Variants in CAND1 observed in about 807,000 individuals in gnomAD.
CAND1 encodes the protein cullin associated and neddylation dissociated 1.
In CAND1, 7 loss-of-function variants were observed where a neutral mutation model predicts 108.5. The observed-to-expected ratio is 0.06, with a 90% confidence interval of 0.04 to 0.12. The LOEUF (loss-of-function observed/expected upper bound fraction) is 0.12. CAND1 is among the 10% of genes least tolerant of loss of function. The pLI is 1.00. For missense variants in CAND1, 941 were observed against 1,448.7 expected (o/e 0.65, Z 5.69); for synonymous variants, 534 against 512.0 (o/e 1.04, Z -0.58).
At position 67,269,573 on chromosome 12, in the gene CAND1, C is replaced by G; in HGVS notation, c.-145C>G. The stretch of plus-strand genomic sequence containing the variant: ...GGGGGCAGCCCGTCGAGGCGCCTCC[C>G]TAGTCAGCGTCGGCGTCGCGCTGCG... On this transcript the variant is annotated 5_prime_UTR_variant, in exon 1 of 15. Transcript: ENST00000545606. 3.1e-6 allele frequency: 2 copies of G among 651,184 alleles called. No individual in the cohort carries two copies. Among genetic ancestry groups the G allele is most frequent in the South Asian group, 2.0e-5 (1 of 51,020 alleles). 40.3% of individuals were successfully genotyped at this position (651,184 alleles called of 1,614,324 possible). A position where few individuals can be genotyped will look rare whatever the true frequency, so the allele number is the denominator to read the frequency against.
intron 2 of CAND1, among the ~76,000 whole-genome samples, chr12:67,287,612 T>C (rs1252422): frequency 0.55 from 84,147 of 151,790 alleles, 24,457 homozygotes; most frequent in Non-Finnish European, 0.65. Flanking sequence ...TTTTAATCAT[T>C]AATTAATTGA....
chr12:67,302,282 C>T (rs752878271), intron 7 of CAND1, 41 bp from the exon 8 acceptor site: 2 of 1,532,872 alleles, frequency 1.3e-6, no homozygotes, highest in Non-Finnish European at 8.9e-7. Context: ...ATATACTTCT[C>T]TTGTCATTAA....
At position 67,305,080 on chromosome 12, in the gene CAND1, T is replaced by C; in HGVS notation, c.1436-24T>C. On this transcript the variant is annotated intron_variant, in intron 9 of 14. Transcript: ENST00000545606. This position sits in a 1 kb window ranked among gnomAD's most constrained non-coding sequence, Gnocchi z 4.4. Reference sequence around the variant, plus strand: ...TTCTTAAAAGTCTGCACAGCAATGATTGGATTTTTTGTTGGCTTTTTAGGA... The same window carrying C: ...TTCTTAAAAGTCTGCACAGCAATGACTGGATTTTTTGTTGGCTTTTTAGGA... 1 of 1,593,172 alleles carries C rather than the reference T, an allele frequency of 6.3e-7. No homozygotes were observed. Among genetic ancestry groups the C allele is most frequent in the East Asian group, 2.2e-5 (1 of 44,688 alleles).
In CAND1 at chr12:67,315,812, T is replaced by G. The variant is rs1463339189; in HGVS notation, c.*2982T>G. ...TATATCTAGTTCAGTCTCAGATGTA[T>G]GAATATGATTATATAGTCATGATTG... On this transcript the variant is annotated 3_prime_UTR_variant, in exon 15 of 15. Transcript: ENST00000545606. 6.6e-6 allele frequency: 1 copy of G among 152,204 alleles called. No individual in the cohort carries two copies. Among genetic ancestry groups the G allele is most frequent in the Non-Finnish European group, 1.5e-5 (1 of 68,032 alleles). The allele number at this position is 152,204 out of a possible 1,614,324, so 9.4% of individuals were successfully genotyped here.
intron 6 of CAND1, among the ~76,000 whole-genome samples, chr12:67,298,207 A>G (rs937303373): frequency 6.6e-6 from 1 of 152,184 alleles, no homozygotes; most frequent in Admixed American, 6.5e-5. Context: ...CTTTTCAACA[A>G]TTTCTTAGGT....
rs1295992859 is a variant in CAND1 at position 67,279,711 on chromosome 12, T to G, written c.69-2199T>G. 2.6e-5 allele frequency among the ~76,000 whole-genome samples: 4 copies of G among 152,312 alleles called. No individual in the cohort carries two copies. In the East Asian group the frequency reaches 5.8e-4, roughly 22 times the overall value. ...GTATTCAACTTTTATCTGTCCTGAT[T>G]TCTTAGTCCAGAGTTTCTTACATAA... On this transcript the variant is annotated intron_variant, in intron 1 of 14. Transcript: ENST00000545606.
intron 10 of CAND1, 51 bp downstream of exon 10, chr12:67,306,648 G>A: frequency 7.2e-7 from 1 of 1,389,912 alleles, no homozygotes; most frequent in South Asian, 1.4e-5. Flanking sequence ...ATAGTTGGTT[G>A]CCTTAAAAGA....
At chr12:67,296,020 G>A (rs2044765596) in intron 4 of CAND1, among the ~76,000 whole-genome samples, 1 of 152,142 alleles carries the variant, frequency 6.6e-6, no homozygotes, top group Non-Finnish European at 1.5e-5. Flanking sequence ...ATGTGCCCAG[G>A]TGTAGAATAC....
rs1485300502 is a variant in CAND1 at position 67,310,015 on chromosome 12, C to T, written c.3140C>T (p.Thr1047Ile). 2 of 1,612,158 alleles carry T rather than the reference C, an allele frequency of 1.2e-6. No individual in the cohort carries two copies. Among genetic ancestry groups the T allele is most frequent in the Non-Finnish European group, 1.7e-6 (2 of 1,178,598 alleles). Residue 1047 changes from threonine (T) to isoleucine (I), a missense_variant, in exon 12 of 15, where the codon ACT becomes ATT. By Grantham distance (89) the Thr-to-Ile change is moderately conservative. This residue lies in a region of CAND1 where 106 missense variants were observed against 182.0 expected (regional missense o/e 0.58). Coordinates refer to ENST00000545606, the MANE Select transcript of CAND1 (RefSeq NM_018448.5). ...TCATTAATAAGGGATCTATTGGATA[C>T]TGTTCTTCCACATCTTTACAATGAA... ...KPSLIRDLLD[T>I]VLPHLYNETK...
chr12:67,309,268 G>A (rs2044923459), intron 11 of CAND1, among the ~76,000 whole-genome samples: 1 of 151,916 alleles, frequency 6.6e-6, no homozygotes, highest in Non-Finnish European at 1.5e-5. Context: ...GCAAGAGTAA[G>A]CAGACTTTTA....
At position 67,316,953 on chromosome 12, in the gene CAND1, G is replaced by C. The variant is rs143957545; in HGVS notation, c.*4123G>C. On this transcript the variant is annotated 3_prime_UTR_variant, in exon 15 of 15. Transcript: ENST00000545606. ...ACTTGAAGACAGGAGTTGGAGACCAGCTCTAGGCAACATAGTGAGACCCTG... is the reference window on the plus strand; with the variant it reads ...ACTTGAAGACAGGAGTTGGAGACCACCTCTAGGCAACATAGTGAGACCCTG... 9.2e-5 allele frequency: 14 copies of C among 152,298 alleles called. No homozygotes were observed. The East Asian group carries it at 2.5e-3, about 27-fold the overall frequency. The allele number at this position is 152,298 out of a possible 1,614,324, so 9.4% of individuals were successfully genotyped here. A position where few individuals can be genotyped will look rare whatever the true frequency, so the allele number is the denominator to read the frequency against.
chr12:67,279,420 G>A (rs1237798118), intron 1 of CAND1, among the ~76,000 whole-genome samples: 1 of 152,108 alleles, frequency 6.6e-6, no homozygotes, highest in African/African-American at 2.4e-5. Context: ...TCCTTAATAA[G>A]ATTAATAGTG....
At chr12:67,312,522 GCAGGAAGAT>G (rs2136024277) in intron 14 of CAND1, 75 bp from the exon 15 acceptor site, 3 of 787,938 alleles carry the variant, frequency 3.8e-6, no homozygotes, top group East Asian at 2.7e-5. Flanking sequence ...GTAGCTTTTA[GCAGGAAGAT>G]CTTATGTGCT....
In CAND1 at chr12:67,294,610, C is replaced by G. The variant is rs551551589; in HGVS notation, c.368-423C>G. On this transcript the variant is annotated intron_variant, in intron 3 of 14. Transcript: ENST00000545606. ...ATTATCCAGTAGATAGCATAGTTAT[C>G]TATCTACTATTACTAGTTATCTATA... Among the ~76,000 whole-genome samples the G allele has an allele frequency of 1.8e-4, 27 of 152,298 alleles. No individual in the cohort carries two copies. In the South Asian group the frequency reaches 2.1e-3, roughly 12 times the overall value.
At chr12:67,300,642 CACTT>C (rs754425760) in intron 7 of CAND1, among the ~76,000 whole-genome samples, 3 of 152,034 alleles carry the variant, frequency 2.0e-5, no homozygotes, top group Non-Finnish European at 4.4e-5. Context: ...TTGTTTATCA[CACTT>C]AGTAACTTTC....
At chr12:67,282,772 C>G (rs2044631847) in intron 2 of CAND1, among the ~76,000 whole-genome samples, 1 of 152,130 alleles carries the variant, frequency 6.6e-6, no homozygotes, top group Non-Finnish European at 1.5e-5. Flanking sequence ...ACTGATGATA[C>G]AATATATATA....
At chr12:67,289,532 G>A (rs2044703158) in intron 2 of CAND1, among the ~76,000 whole-genome samples, 1 of 152,172 alleles carries the variant, frequency 6.6e-6, no homozygotes, top group Non-Finnish European at 1.5e-5. Context: ...GACCACAGGT[G>A]CATGCCACCA....
intron 7 of CAND1, 117 bp from the exon 8 acceptor site, chr12:67,302,206 T>TA (rs1370031896): frequency 4.6e-5 from 38 of 832,720 alleles, no homozygotes; most frequent in East Asian, 3.5e-4. Flanking sequence ...TGTTGCTGTA[T>TA]ATGTTACCGG....
Position 67,317,435 on chromosome 12 carries a change from A to G in CAND1, c.*4605A>G, listed in dbSNP as rs1350362488. 2 of 141,906 alleles carry G rather than the reference A, an allele frequency of 1.4e-5. No homozygotes were observed. Among genetic ancestry groups the G allele is most frequent in the African/African-American group, 5.3e-5 (2 of 37,522 alleles). The allele number at this position is 141,906 out of a possible 1,614,324, so 8.8% of individuals were successfully genotyped here. Reference sequence around the variant, plus strand: ...TGCAAGTGCCTCCTTGCCCAGCCACATGTTGTTGATTTCTTTTTTCTTTTT... The same window carrying G: ...TGCAAGTGCCTCCTTGCCCAGCCACGTGTTGTTGATTTCTTTTTTCTTTTT... On this transcript the variant is annotated 3_prime_UTR_variant, in exon 15 of 15. Coordinates refer to ENST00000545606, the MANE Select transcript of CAND1 (RefSeq NM_018448.5).
Sources: allele counts gnomAD v4.1 joint callset (sites outside exome capture counted in the v4.1 genomes callset), GRCh38; gene constraint gnomAD v4.1.1; regional missense constraint gnomAD v4.1.1; non-coding constraint Gnocchi (gnomAD v3.1); transcripts MANE v1.5; gene names NCBI Gene and HGNC (gene_info 2026-07-23, HGNC 2026-07-21).